Variants in OR1A1 observed in about 807,000 individuals in gnomAD.
The protein encoded by OR1A1 is olfactory receptor 1A1.
For synonymous variants in OR1A1, 145 were observed against 147.8 expected, an observed-to-expected ratio of 0.98 and a Z score of 0.13; for missense variants, 391 against 379.9, an observed-to-expected ratio of 1.03 and a Z score of -0.24.
In OR1A1 at chr17:3,216,428, G is replaced by A. The variant is rs146607947; in HGVS notation, c.808G>A (p.Ala270Thr). 29 of 1,614,138 alleles carry A rather than the reference G, an allele frequency of 1.8e-5. No homozygotes were observed. The highest frequency in any genetic ancestry group is 3.3e-5 in the Admixed American group (2 of 60,018). ...RPLTNYSLKD[A>T]VITVMYTAVT... is the part of the protein sequence containing the mutation. ...TTTGACCAATTATAGCCTAAAAGAC[G>A]CAGTGATCACTGTAATGTACACGGC... The change falls in exon 4 of 4, where the codon GCA becomes ACA. Residue 270 changes from alanine to threonine, a missense_variant. Ala to Thr is a moderately conservative substitution (Grantham distance 58, BLOSUM62 0). Coordinates refer to ENST00000641732, the MANE Select transcript of OR1A1 (RefSeq NM_014565.3).
intron 3 of OR1A1, chr17:3,212,815 G>A (rs1005963319): frequency 6.6e-6 from 1 of 152,258 alleles, no homozygotes; most frequent in African/African-American, 2.4e-5. Flanking sequence ...AAAGAAAGAG[G>A]ATAGCTCTCT....
chr17:3,208,843 C>T lies in OR1A1; in HGVS notation c.-294C>T, dbSNP rs71360907. The T allele has an allele frequency of 0.076, 11,551 of 151,970 alleles. 550 individuals carry two copies. The highest frequency in any genetic ancestry group is 0.13 in the African/African-American group (5,217 of 41,400). The allele number at this position is 151,970 out of a possible 1,614,324, so 9.4% of individuals were successfully genotyped here. On this transcript the variant is annotated 5_prime_UTR_variant, in exon 2 of 4. Coordinates refer to ENST00000641732, the MANE Select transcript of OR1A1 (RefSeq NM_014565.3). ...CAGTATAAATAAACCTCCATTTATT[C>T]TCAACCTCTTTACAAGGAACATTCT... is the stretch of plus-strand genomic sequence containing the variant.
In OR1A1 at chr17:3,209,087, G is replaced by A. The variant is rs1416861782; in HGVS notation, c.-139+89G>A. ...GGGTACAGGTGGTATTTGGTTACAT[G>A]AGTAAGTTCTTTAGTGGTGATTTGT... is the stretch of plus-strand genomic sequence containing the variant. On this transcript the variant is annotated intron_variant, in intron 2 of 3. Transcript: ENST00000641732. 3 of 152,114 alleles carry A rather than the reference G, an allele frequency of 2.0e-5. No homozygotes were observed. In the East Asian group the frequency reaches 5.8e-4, roughly 29 times the overall value. The allele number at this position is 152,114 out of a possible 1,614,324, so 9.4% of individuals were successfully genotyped here.
At position 3,215,772 on chromosome 17, in the gene OR1A1, C is replaced by T; in HGVS notation, c.152C>T (p.Ser51Phe). 6.2e-7 allele frequency: 1 copy of T among 1,614,172 alleles called. No homozygotes were observed. The highest frequency in any genetic ancestry group is 1.1e-5 in the South Asian group (1 of 91,076). Residue 51 changes from serine to phenylalanine, a missense_variant, in exon 4 of 4, where the codon TCT becomes TTT. By Grantham distance (155) the Ser-to-Phe change is radical (BLOSUM62 -2). Transcript: ENST00000641732. ...CTGCTCATCGTCCTAGCCATTTGCTCTGATGTTCGCCTTCACAACCCCATG... is the reference window on the plus strand; with the variant it reads ...CTGCTCATCGTCCTAGCCATTTGCTTTGATGTTCGCCTTCACAACCCCATG... ...GNLLIVLAIC[S>F]DVRLHNPMYF...
Position 3,215,868 on chromosome 17 carries a change from C to A in OR1A1, c.248C>A (p.Ala83Asp), listed in dbSNP as rs1279229228. The A allele has an allele frequency of 6.2e-7, 1 of 1,614,062 alleles. No individual in the cohort carries two copies. The highest frequency in any genetic ancestry group is 8.5e-7 in the Non-Finnish European group (1 of 1,180,050). Reference protein sequence around the residue: ...FSSVTIPKMLANHLLGSKSIS... With the variant: ...FSSVTIPKMLDNHLLGSKSIS... Reference sequence around the variant, plus strand: ...TCGGTAACCATCCCTAAGATGCTGGCCAACCATCTCTTGGGCAGCAAATCC... The same window carrying A: ...TCGGTAACCATCCCTAAGATGCTGGACAACCATCTCTTGGGCAGCAAATCC... The change falls in exon 4 of 4, where the codon GCC becomes GAC. Residue 83 changes from alanine (A) to aspartate (D), a missense_variant. Ala to Asp is a moderately radical substitution (Grantham distance 126). Transcript: ENST00000641732.
chr17:3,208,172 T>TAGAG (rs1232199082), intron 1 of OR1A1, among the ~76,000 whole-genome samples, 172 bp downstream of exon 1: 22 of 86,746 alleles, frequency 2.5e-4, no homozygotes, highest in African/African-American at 6.7e-4. Context: ...GAGATAGAGA[T>TAGAG]ATATATATAG....
chr17:3,210,356 C>T (rs183072635), intron 2 of OR1A1, among the ~76,000 whole-genome samples: 39 of 152,140 alleles, frequency 2.6e-4, no homozygotes, highest in African/African-American at 7.2e-4. Context: ...GTGTGAATTT[C>T]GACTTTCCTG....
chr17:3,208,542 C>G (rs1044010483), intron 1 of OR1A1, 39 bp from the exon 2 acceptor site: 3 of 151,990 alleles, frequency 2.0e-5, no homozygotes, highest in African/African-American at 7.3e-5. Flanking sequence ...ACACTGCTAC[C>G]CAGATAAGGG....
At chr17:3,210,671 TCTCGACTCACTGCAAC>T (rs1163256687) in intron 2 of OR1A1, among the ~76,000 whole-genome samples, 2 of 152,094 alleles carry the variant, frequency 1.3e-5, no homozygotes, top group Non-Finnish European at 2.9e-5. Flanking sequence ...AGTGGCGCAA[TCTCGACTCACTGCAAC>T]CTCCGCTTCC....
intron 3 of OR1A1, 25 bp downstream of exon 3, chr17:3,212,624 G>C (rs2048448093): frequency 6.6e-6 from 1 of 152,118 alleles, no homozygotes. Context: ...TTTGAAGAAG[G>C]GGGAGGGCAT....
At chr17:3,211,936 G>A (rs1163630484) in intron 2 of OR1A1, among the ~76,000 whole-genome samples, 2 of 152,004 alleles carry the variant, frequency 1.3e-5, no homozygotes, top group African/African-American at 4.8e-5. Context: ...CTGGAAAAAG[G>A]GTCTCTGGGA....
chr17:3,208,073 G>C (rs1482469303), intron 1 of OR1A1, 73 bp downstream of exon 1: 1 of 152,162 alleles, frequency 6.6e-6, no homozygotes, highest in Non-Finnish European at 1.5e-5. Flanking sequence ...GACACACACA[G>C]AGATAGTGGC....
intron 3 of OR1A1, chr17:3,213,148 G>A (rs1397643827): frequency 6.6e-6 from 1 of 152,234 alleles, no homozygotes; most frequent in Non-Finnish European, 1.5e-5. Flanking sequence ...TGTTGGATAT[G>A]TCTGGCCCCC....
intron 2 of OR1A1, among the ~76,000 whole-genome samples, chr17:3,212,097 T>G (rs1038861675): frequency 6.6e-6 from 1 of 152,228 alleles, no homozygotes; most frequent in African/African-American, 2.4e-5. Context: ...TCTTATCTTT[T>G]TGTTCTTTTC....
Position 3,209,281 on chromosome 17 carries a change from G to A in OR1A1, c.-139+283G>A, listed in dbSNP as rs2048429021. 2.6e-5 allele frequency among the ~76,000 whole-genome samples: 4 copies of A among 151,964 alleles called. No individual in the cohort carries two copies. The South Asian group carries it at 8.3e-4, about 32-fold the overall frequency. On this transcript the variant is annotated intron_variant, in intron 2 of 3. Coordinates refer to ENST00000641732, the MANE Select transcript of OR1A1 (RefSeq NM_014565.3). ...CTCCCACATATCAGTGAGAACATACGATGTTTGGTTTTCCATTCCTGAGTT... is the reference window on the plus strand; with the variant it reads ...CTCCCACATATCAGTGAGAACATACAATGTTTGGTTTTCCATTCCTGAGTT...
At chr17:3,211,913 A>T (rs1166341132) in intron 2 of OR1A1, among the ~76,000 whole-genome samples, 1 of 152,200 alleles carries the variant, frequency 6.6e-6, no homozygotes, top group Non-Finnish European at 1.5e-5. Flanking sequence ...TATTAAAATT[A>T]TATTTTCTTG....
intron 3 of OR1A1, 158 bp downstream of exon 3, chr17:3,212,757 G>C (rs536062492): frequency 6.6e-6 from 1 of 152,354 alleles, no homozygotes; most frequent in South Asian, 2.1e-4. Context: ...GGAAATCAAG[G>C]ACGTGGATAC....
chr17:3,216,148 C>T lies in OR1A1; in HGVS notation c.528C>T (p.Asn176=). The T allele has an allele frequency of 6.2e-7, 1 of 1,614,216 alleles. No individual in the cohort carries two copies. ...LSFCGNQEVA[N]FYCDITPLLK... is the part of the protein sequence containing the mutation. ...TCTGTGGCAACCAGGAAGTGGCCAA[C>T]TTCTACTGTGACATTACCCCCTTGC... Residue 176 remains asparagine (N), a synonymous_variant, in exon 4 of 4, where the codon AAC becomes AAT. Transcript: ENST00000641732.
chr17:3,212,736 C>G (rs2048448737), intron 3 of OR1A1, 137 bp downstream of exon 3: 3 of 152,160 alleles, frequency 2.0e-5, no homozygotes, highest in African/African-American at 7.2e-5. Context: ...GGTTCCTTGC[C>G]TCACAGCCAA....
Sources: gnomAD v4.1 joint callset for allele counts (sites outside exome capture counted in the v4.1 genomes callset) on GRCh38, gnomAD v4.1.1 for gene constraint, MANE v1.5 for transcripts, NCBI Gene and HGNC (gene_info 2026-07-23, HGNC 2026-07-21) for gene names.